FHIT: variants seen among roughly 807,000 people sequenced by gnomAD.
FHIT encodes bis(5'-adenosyl)-triphosphatase.
Under a neutral mutation model 17.9 loss-of-function variants are expected in FHIT, and 19 were observed. That is an observed-to-expected ratio of 1.06 (90% CI 0.74 to 1.56). The LOEUF (loss-of-function observed/expected upper bound fraction) is 1.56. FHIT is among the 40% of genes most tolerant of loss of function. The pLI, the probability that FHIT is intolerant of heterozygous loss-of-function variation, is 0.00. For missense variants in FHIT, 248 were observed against 189.2 expected, an observed-to-expected ratio of 1.31 and a Z score of -1.82; for synonymous variants, 81 against 69.7, an observed-to-expected ratio of 1.16 and a Z score of -0.81.
At chr3:60,401,115 C>T (rs1045273302) in intron 5 of FHIT, among the ~76,000 whole-genome samples, 15 of 152,064 alleles carry the variant, frequency 9.9e-5, no homozygotes, top group Non-Finnish European at 1.9e-4. Flanking sequence ...AAGGATCTAT[C>T]CATGACTAAA....
At chr3:59,862,836 C>T (rs1276741478) in intron 8 of FHIT, among the ~76,000 whole-genome samples, 2 of 152,074 alleles carry the variant, frequency 1.3e-5, no homozygotes, top group Non-Finnish European at 2.9e-5. Context: ...TATTCCTCCA[C>T]AAGAGCAAAG....
intron 7 of FHIT, among the ~76,000 whole-genome samples, chr3:59,949,939 T>C (rs575106400): frequency 6.6e-6 from 1 of 152,334 alleles, no homozygotes; most frequent in East Asian, 1.9e-4. Flanking sequence ...ATGAGCTACC[T>C]GAGCTTTATT....
At chr3:60,467,922 T>C (rs898505672) in intron 5 of FHIT, among the ~76,000 whole-genome samples, 1 of 152,090 alleles carries the variant, frequency 6.6e-6, no homozygotes, top group African/African-American at 2.4e-5. Context: ...CCAGCTATTA[T>C]TGTATTGGGG....
At chr3:60,909,253 C>G (rs1706593370) in intron 3 of FHIT, among the ~76,000 whole-genome samples, 1 of 151,496 alleles carries the variant, frequency 6.6e-6, no homozygotes, top group African/African-American at 2.4e-5. Flanking sequence ...CCTGTATTCC[C>G]AGTTACTCAG....
chr3:61,177,299 C>A (rs1015312980), intron 2 of FHIT, among the ~76,000 whole-genome samples: 2 of 152,030 alleles, frequency 1.3e-5, no homozygotes, highest in South Asian at 4.2e-4. Flanking sequence ...TAAAGAGGAC[C>A]TCCCAAATTG....
At chr3:60,629,633 A>G (rs2039387141) in intron 4 of FHIT, among the ~76,000 whole-genome samples, 1 of 152,244 alleles carries the variant, frequency 6.6e-6, no homozygotes, top group African/African-American at 2.4e-5. Context: ...ATGATTTTCC[A>G]ACTCTATCTT....
intron 3 of FHIT, among the ~76,000 whole-genome samples, chr3:60,884,217 A>G (rs1005646290): frequency 2.6e-5 from 4 of 152,200 alleles, no homozygotes; most frequent in Non-Finnish European, 4.4e-5. Context: ...ACAATAACAG[A>G]TGCTGGAGAG....
chr3:60,142,759 A>G (rs1700095226), intron 5 of FHIT, among the ~76,000 whole-genome samples: 1 of 151,694 alleles, frequency 6.6e-6, no homozygotes, highest in Non-Finnish European at 1.5e-5. Flanking sequence ...CCTGGCCTCA[A>G]ATGATCCTCC....
At chr3:60,464,849 T>G (rs150843545) in intron 5 of FHIT, among the ~76,000 whole-genome samples, 15 of 152,150 alleles carry the variant, frequency 9.9e-5, no homozygotes, top group African/African-American at 3.4e-4. Flanking sequence ...TTCAATACAC[T>G]GATTTCCTTT....
intron 9 of FHIT, chr3:59,750,037 G>T: frequency 4.5e-6 from 1 of 224,552 alleles, no homozygotes; most frequent in Non-Finnish European, 8.9e-6. Context: ...AAAATCCACA[G>T]GTACTGTGGC....
chr3:59,953,533 A>C (rs539189808), intron 7 of FHIT, among the ~76,000 whole-genome samples: 11 of 152,312 alleles, frequency 7.2e-5, no homozygotes, highest in Middle Eastern at 3.4e-3. Flanking sequence ...ACTTGCAGAC[A>C]TATCTTTAGC....
At chr3:60,118,773 GC>G (rs1452277971) in intron 5 of FHIT, among the ~76,000 whole-genome samples, 32 of 106,674 alleles carry the variant, frequency 3.0e-4, no homozygotes, top group African/African-American at 9.6e-4. Flanking sequence ...GGTGGGGGCG[GC>G]GGGGGGGGGG....
rs1699901015 is a variant in FHIT at position 60,138,333 on chromosome 3, C to A, written c.104-124181G>T. Among the ~76,000 whole-genome samples the A allele has an allele frequency of 4.6e-5, 7 of 152,258 alleles. No homozygotes were observed. In the South Asian group the frequency reaches 1.5e-3, roughly 32 times the overall value. On this transcript the variant is annotated intron_variant, in intron 5 of 9. Transcript: ENST00000492590. ...AGAGTTTGGAGTTATTTGGCTGTGA[C>A]TGAGAAATGATGGGCTAGGAATCCA... is the stretch of plus-strand genomic sequence containing the variant.
At chr3:60,581,500 T>C (rs937154173) in intron 4 of FHIT, among the ~76,000 whole-genome samples, 5 of 152,100 alleles carry the variant, frequency 3.3e-5, no homozygotes, top group Non-Finnish European at 5.9e-5. Flanking sequence ...TATTTTTGTT[T>C]TACAGATAAC....
intron 2 of FHIT, among the ~76,000 whole-genome samples, chr3:61,166,793 A>G (rs528980840): frequency 1.3e-5 from 2 of 152,332 alleles, no homozygotes; most frequent in East Asian, 3.9e-4. Flanking sequence ...GCTAGGCACT[A>G]TGTGAGGCAA....
intron 2 of FHIT, among the ~76,000 whole-genome samples, chr3:61,133,189 C>T (rs1222768728): frequency 2.6e-5 from 4 of 152,144 alleles, no homozygotes; most frequent in African/African-American, 9.7e-5. Context: ...TGGACTTTTC[C>T]TCCACAGCAT....
chr3:60,266,620 C>G (rs1706589563), intron 5 of FHIT, among the ~76,000 whole-genome samples: 1 of 152,026 alleles, frequency 6.6e-6, no homozygotes, highest in South Asian at 2.1e-4. Context: ...GTTAGATCCT[C>G]AGATCCCATC....
intron 5 of FHIT, among the ~76,000 whole-genome samples, chr3:60,498,434 C>A (rs73101811): frequency 2.1e-4 from 32 of 152,064 alleles, no homozygotes; most frequent in Non-Finnish European, 3.7e-4. Context: ...ATTAATGATT[C>A]CTTATAAGAA....
At chr3:60,502,561 C>T (rs781598726) in intron 5 of FHIT, among the ~76,000 whole-genome samples, 29 of 152,136 alleles carry the variant, frequency 1.9e-4, no homozygotes, top group Non-Finnish European at 3.2e-4. Flanking sequence ...CAGCAACTCC[C>T]CCAGTGCTTA....
Sources: allele counts gnomAD v4.1 joint callset (sites outside exome capture counted in the v4.1 genomes callset), GRCh38; gene constraint gnomAD v4.1.1; transcripts MANE v1.5; gene names NCBI Gene and HGNC (gene_info 2026-07-23, HGNC 2026-07-21).